Variants in KLHL3 observed in about 807,000 individuals in gnomAD.
KLHL3 encodes the protein kelch like family member 3, also known as kelch-like protein 3.
A neutral mutation model predicts 70.5 loss-of-function variants in KLHL3; 19 were observed. The ratio of observed to expected loss-of-function variants is 0.27; its 90% confidence interval spans 0.19 to 0.40. The LOEUF (loss-of-function observed/expected upper bound fraction) is 0.40, where lower values mean the gene tolerates loss of function less well. Ranked by LOEUF, KLHL3 falls within the 10% of genes least tolerant of loss-of-function variation. The probability of loss-of-function intolerance (pLI) is 1.00; values close to 1 mark genes in which losing one functional copy is unlikely to be tolerated. For synonymous variants in KLHL3, 258 were observed against 290.3 expected, an observed-to-expected ratio of 0.89 and a Z score of 1.13; for missense variants, 512 against 771.1, an observed-to-expected ratio of 0.66 and a Z score of 3.98.
chr5:137,633,517 T>C (rs1207395841), intron 12 of KLHL3, among the ~76,000 whole-genome samples: 1 of 152,114 alleles, frequency 6.6e-6, no homozygotes, highest in African/African-American at 2.4e-5. Context: ...TGTACAGTTA[T>C]TATGTTTAAA....
In KLHL3 at chr5:137,707,308, C is replaced by G. The variant is rs189541432; in HGVS notation, c.241+2442G>C. ...ATTAGCCAGGCATGGTGGCACACAC[C>G]TGTAGTCCCAGCTACTCAGGAGGCT... is the stretch of plus-strand genomic sequence containing the variant. On this transcript the variant is annotated intron_variant, in intron 3 of 14. Transcript: ENST00000309755. Among the ~76,000 whole-genome samples, 327 of 152,236 alleles carry G rather than the reference C, an allele frequency of 2.1e-3. 1 individual carries two copies. Among genetic ancestry groups the G allele is most frequent in the African/African-American group, 7.8e-3 (324 of 41,534 alleles).
At chr5:137,718,260 T>C (rs1752933670) in intron 2 of KLHL3, among the ~76,000 whole-genome samples, 1 of 152,236 alleles carries the variant, frequency 6.6e-6, no homozygotes, top group Non-Finnish European at 1.5e-5. Context: ...TCTAAGTCAA[T>C]GCTTTTGGGG....
At chr5:137,635,375 T>C (rs1750741820) in intron 11 of KLHL3, among the ~76,000 whole-genome samples, 1 of 152,170 alleles carries the variant, frequency 6.6e-6, no homozygotes, top group African/African-American at 2.4e-5. Flanking sequence ...TCTTCTAGGG[T>C]CCAGGCTACT....
At chr5:137,680,928 G>A (rs1462902397) in intron 5 of KLHL3, among the ~76,000 whole-genome samples, 1 of 152,016 alleles carries the variant, frequency 6.6e-6, no homozygotes, top group Admixed American at 6.6e-5. Context: ...AATCCTAACA[G>A]TTTAGAAGGC....
intron 5 of KLHL3, among the ~76,000 whole-genome samples, chr5:137,683,455 T>A (rs1752083405): frequency 6.6e-6 from 1 of 152,072 alleles, no homozygotes; most frequent in Admixed American, 6.5e-5. Flanking sequence ...CTTAAAACTC[T>A]CTCTTCTGCC....
chr5:137,703,214 C>A (rs1219542326), intron 3 of KLHL3, among the ~76,000 whole-genome samples: 5 of 152,130 alleles, frequency 3.3e-5, no homozygotes, highest in Admixed American at 1.3e-4. Context: ...TCACAGAATA[C>A]CTTCTTGCTC....
At chr5:137,649,538 C>G (rs1751147610) in intron 8 of KLHL3, among the ~76,000 whole-genome samples, 2 of 152,210 alleles carry the variant, frequency 1.3e-5, no homozygotes, top group South Asian at 4.1e-4. Flanking sequence ...ATGAGAGACC[C>G]TGGGTCAAAA....
intron 5 of KLHL3, among the ~76,000 whole-genome samples, chr5:137,678,596 T>C (rs1211154312): frequency 3.3e-5 from 5 of 152,306 alleles, no homozygotes; most frequent in South Asian, 2.1e-4. Flanking sequence ...GCTGGGACTA[T>C]AGACACAAGC....
chr5:137,659,555 A>G (rs928681922), intron 7 of KLHL3, among the ~76,000 whole-genome samples: 1 of 152,202 alleles, frequency 6.6e-6, no homozygotes, highest in Non-Finnish European at 1.5e-5. Context: ...CTTGAGACAA[A>G]TCATAAACTT....
At chr5:137,656,525 T>A (rs1014472981) in intron 8 of KLHL3, among the ~76,000 whole-genome samples, 1 of 152,254 alleles carries the variant, frequency 6.6e-6, no homozygotes, top group Non-Finnish European at 1.5e-5. Context: ...TTATTTAATT[T>A]CAAAATTGTA....
chr5:137,726,498 A>G (rs1399112135), intron 1 of KLHL3, among the ~76,000 whole-genome samples: 1 of 151,874 alleles, frequency 6.6e-6, no homozygotes, highest in African/African-American at 2.4e-5. Context: ...ATTAAACTTT[A>G]CCTCCTCCAT....
chr5:137,627,783 G>A (rs1333207518), intron 13 of KLHL3, among the ~76,000 whole-genome samples: 1 of 152,190 alleles, frequency 6.6e-6, no homozygotes, highest in East Asian at 1.9e-4. Context: ...AAGAAGGAAA[G>A]CAAAGACAGG....
rs564922598 is a variant in KLHL3, at chr5:137,627,575, G to A, written c.1591+722C>T. ...AAATGGATCTGCCTGAAAGTCACCT[G>A]TGTGTCCTTCCAGCCTGGGAAGTTG... On this transcript the variant is annotated intron_variant, in intron 13 of 14. Coordinates refer to ENST00000309755, the MANE Select transcript of KLHL3 (RefSeq NM_017415.3). Among the ~76,000 whole-genome samples, 18 of 149,772 alleles carry A rather than the reference G, an allele frequency of 1.2e-4. No individual in the cohort carries two copies. In the East Asian group the frequency reaches 3.2e-3, roughly 26 times the overall value.
intron 1 of KLHL3, among the ~76,000 whole-genome samples, chr5:137,721,729 C>T (rs942945538): frequency 6.6e-6 from 1 of 152,146 alleles, no homozygotes; most frequent in African/African-American, 2.4e-5. Flanking sequence ...CTGCTTGTGC[C>T]CAGGGGTTTC....
chr5:137,731,050 G>C (rs1753165773), intron 1 of KLHL3, among the ~76,000 whole-genome samples: 1 of 151,510 alleles, frequency 6.6e-6, no homozygotes, highest in Non-Finnish European at 1.5e-5. Context: ...AGGTCAGTTT[G>C]ATGATGGCAA....
At chr5:137,651,254 C>A (rs1186081534) in intron 8 of KLHL3, among the ~76,000 whole-genome samples, 1 of 152,206 alleles carries the variant, frequency 6.6e-6, no homozygotes, top group Non-Finnish European at 1.5e-5. Flanking sequence ...CGTAGAGGAG[C>A]TAACACTCTA....
intron 12 of KLHL3, chr5:137,628,827 T>A (rs141689216): frequency 8.3e-4 from 129 of 155,056 alleles, no homozygotes; most frequent in African/African-American, 2.9e-3. Flanking sequence ...CTGAAATAAA[T>A]CCATTAAAAT....
At chr5:137,720,630 T>C in intron 1 of KLHL3, 46 bp from the exon 2 acceptor site, 1 of 1,609,756 alleles carries the variant, frequency 6.2e-7, no homozygotes, top group South Asian at 1.1e-5. Flanking sequence ...CACTCATTGG[T>C]AAACCCATTC....
intron 1 of KLHL3, among the ~76,000 whole-genome samples, chr5:137,730,335 C>G (rs1753153998): frequency 6.6e-6 from 1 of 152,166 alleles, no homozygotes; most frequent in South Asian, 2.1e-4. Context: ...GCAACCAAAC[C>G]AGGCCAAATG....
Sources: allele counts gnomAD v4.1 joint callset (sites outside exome capture counted in the v4.1 genomes callset), GRCh38; gene constraint gnomAD v4.1.1; transcripts MANE v1.5; gene names NCBI Gene and HGNC (gene_info 2026-07-23, HGNC 2026-07-21).